LAMA2: variants seen among roughly 807,000 people sequenced by gnomAD.
The protein encoded by LAMA2 is laminin subunit alpha 2, also known as laminin subunit alpha-2.
Under a neutral mutation model 364.8 loss-of-function variants are expected in LAMA2, and 269 were observed. The observed-to-expected ratio is 0.74, with a 90% CI of 0.67 to 0.82. The LOEUF is 0.82. Among genes scored for constraint, LAMA2 ranks in the 40% least tolerant of loss-of-function variants. The pLI, the probability that LAMA2 is intolerant of heterozygous loss-of-function variation, is 0.00. For missense variants in LAMA2, 3,807 were observed against 3,873.2 expected, an observed-to-expected ratio of 0.98 and a Z score of 0.45; for synonymous variants, 1,379 against 1,370.6, an observed-to-expected ratio of 1.01 and a Z score of -0.14.
chr6:129,297,567 A>T (rs1304695002), intron 20 of LAMA2, 118 bp from the exon 21 acceptor site: 2 of 886,154 alleles, frequency 2.3e-6, no homozygotes, highest in Non-Finnish European at 3.7e-6. Flanking sequence ...AACATCAGTG[A>T]GGAATCCTGA....
intron 12 of LAMA2, among the ~76,000 whole-genome samples, chr6:129,235,426 T>C (rs1784921552): frequency 6.6e-6 from 1 of 152,210 alleles, no homozygotes; most frequent in Admixed American, 6.6e-5. Flanking sequence ...ACAAGAAGTA[T>C]ACAATTGCTC....
intron 1 of LAMA2, among the ~76,000 whole-genome samples, chr6:128,893,143 A>G (rs184543370): frequency 6.6e-6 from 1 of 152,036 alleles, no homozygotes; most frequent in East Asian, 1.9e-4. Flanking sequence ...TACCTTAAAC[A>G]TGGATAAGTC....
At chr6:129,391,086 T>C (rs1485696225) in intron 35 of LAMA2, among the ~76,000 whole-genome samples, 1 of 152,196 alleles carries the variant, frequency 6.6e-6, no homozygotes, top group East Asian at 1.9e-4. Context: ...CCACACTCAG[T>C]ATTTTTAAAC....
chr6:128,975,517 A>G lies in LAMA2; in HGVS notation c.113-74401A>G, dbSNP rs555609944. ...AAGTGTGGGGCAAATGATGGAGGAC[A>G]AAGAGGCAGCAGGGATAATATAGTT... is the stretch of plus-strand genomic sequence containing the variant. On this transcript the variant is annotated intron_variant, in intron 1 of 64. Transcript: ENST00000421865. 5.6e-4 allele frequency among the ~76,000 whole-genome samples: 86 copies of G among 152,316 alleles called. 1 individual carries two copies. In the South Asian group the frequency reaches 0.017, roughly 30 times the overall value.
Position 129,098,398 on chromosome 6 carries a change from C to T in LAMA2, c.622C>T (p.Pro208Ser). The T allele has an allele frequency of 6.2e-7, 1 of 1,613,908 alleles. No homozygotes were observed. The highest frequency in any genetic ancestry group is 8.5e-7 in the Non-Finnish European group (1 of 1,179,928). ...ICTSFYSKIH[P>S]LENGEIHISL... ...CACTTCATTTTACTCCAAGATACAC[C>T]CCTTAGAAAATGGAGAGGTAAGATG... is the stretch of plus-strand genomic sequence containing the variant. The change falls in exon 4 of 65, where the codon CCC becomes TCC. Residue 208 changes from proline (P) to serine (S), a missense_variant. Physicochemically the swap from Pro to Ser is moderately conservative, Grantham distance 74. Transcript: ENST00000421865.
chr6:129,401,363 AAG>A (rs1485258513), intron 38 of LAMA2, 23 bp downstream of exon 38: 6 of 1,364,578 alleles, frequency 4.4e-6, no homozygotes, highest in Non-Finnish European at 6.3e-6. Context: ...TAAAACTCAA[AAG>A]AGAGATGATA....
intron 12 of LAMA2, among the ~76,000 whole-genome samples, chr6:129,216,541 A>G (rs1342502270): frequency 6.6e-6 from 1 of 152,228 alleles, no homozygotes; most frequent in African/African-American, 2.4e-5. Flanking sequence ...TCCTTGAATT[A>G]TATGATAATC....
chr6:129,169,167 T>C (rs1400404145), intron 9 of LAMA2, among the ~76,000 whole-genome samples: 2 of 150,516 alleles, frequency 1.3e-5, no homozygotes, highest in East Asian at 3.9e-4. Context: ...TTCTCCTGCC[T>C]AATTGCCCTG....
rs370413273 is a variant in LAMA2, at chr6:129,256,390, G to A, written c.2096+4095G>A. Among the ~76,000 whole-genome samples the A allele has an allele frequency of 5.8e-4, 88 of 152,180 alleles. 1 individual carries two copies. The highest frequency in any genetic ancestry group is 2.1e-3 in the African/African-American group (86 of 41,520). On this transcript the variant is annotated intron_variant, in intron 14 of 64. Coordinates refer to ENST00000421865, the MANE Select transcript of LAMA2 (RefSeq NM_000426.4). ...CACAGAAAATAGTAGACAGTAAGTA[G>A]TAACTATTAAAAAGCAGTCATTCTA...
Position 129,190,322 on chromosome 6 carries a change from AGTT to A in LAMA2, c.1586_1588del (p.Ser529_Ser530delinsThr). The A allele has an allele frequency of 6.2e-7, 1 of 1,613,582 alleles. No homozygotes were observed. The highest frequency in any genetic ancestry group is 2.2e-5 in the East Asian group (1 of 44,860). ...TTCAGGGGTTTCAAACAGATGTCAG[AGTT>A]CCTACTGGACCTATGGCAAAGTAAG... On this transcript the variant is annotated inframe_deletion, in exon 11 of 65. Transcript: ENST00000421865.
intron 13 of LAMA2, among the ~76,000 whole-genome samples, chr6:129,251,064 CTCTCTCTCTCTCTATATATA>C (rs1475642897): frequency 0.017 from 1,156 of 68,932 alleles, 4 homozygotes; most frequent in East Asian, 0.093. Context: ...CTCTCTCTCT[CTCTCTCTCTCTCTATATATA>C]TATATATATA....
At chr6:129,491,759 A>G (rs1784873443) in intron 56 of LAMA2, 142 bp from the exon 57 acceptor site, 1 of 695,726 alleles carries the variant, frequency 1.4e-6, no homozygotes, top group Non-Finnish European at 2.6e-6. Context: ...GCGTTTGCTT[A>G]GTGTAGAATT....
chr6:128,885,895 C>T (rs909438946), intron 1 of LAMA2, among the ~76,000 whole-genome samples: 12 of 151,992 alleles, frequency 7.9e-5, no homozygotes, highest in African/African-American at 1.9e-4. Flanking sequence ...TTAAAATTGA[C>T]GAAATAGAAT....
intron 1 of LAMA2, among the ~76,000 whole-genome samples, chr6:128,906,752 G>C (rs571294621): frequency 6.6e-6 from 1 of 151,162 alleles, no homozygotes; most frequent in South Asian, 2.1e-4. Flanking sequence ...TTTCTTCTAG[G>C]GTTTTTATGG....
At chr6:129,342,491 A>G (rs988055487) in intron 30 of LAMA2, 24 bp downstream of exon 30, 3 of 1,609,580 alleles carry the variant, frequency 1.9e-6, no homozygotes, top group Non-Finnish European at 2.5e-6. Flanking sequence ...ATATAACCAT[A>G]TTTCCCAATC....
chr6:129,124,080 T>C (rs550177217), intron 4 of LAMA2, among the ~76,000 whole-genome samples: 2 of 152,314 alleles, frequency 1.3e-5, no homozygotes, highest in South Asian at 2.1e-4. Context: ...TTTAAAGCAG[T>C]ATAGAAATAC....
chr6:129,375,557 T>G (rs977941632), intron 34 of LAMA2, among the ~76,000 whole-genome samples: 1 of 152,192 alleles, frequency 6.6e-6, no homozygotes, highest in African/African-American at 2.4e-5. Flanking sequence ...AGCTTTGATC[T>G]TTCCTTCCTT....
chr6:129,205,693 T>C (rs72990964), intron 12 of LAMA2, among the ~76,000 whole-genome samples: 10,129 of 151,928 alleles, frequency 0.067, 392 homozygotes, highest in African/African-American at 0.1. Flanking sequence ...GATTTTTGTA[T>C]AATAATATGG....
intron 56 of LAMA2, among the ~76,000 whole-genome samples, chr6:129,487,375 CAGAG>C (rs1784644857): frequency 6.6e-6 from 1 of 152,068 alleles, no homozygotes; most frequent in African/African-American, 2.4e-5. Context: ...TATGACAACT[CAGAG>C]AGATAATTAG....
Sources: gnomAD v4.1 joint callset for allele counts (sites outside exome capture counted in the v4.1 genomes callset) on GRCh38, gnomAD v4.1.1 for gene constraint, MANE v1.5 for transcripts, NCBI Gene and HGNC (gene_info 2026-07-23, HGNC 2026-07-21) for gene names.